The following AMBRA1 variants were observed in gnomAD, a reference collection of about 807,000 sequenced individuals.
AMBRA1 encodes the protein autophagy and beclin 1 regulator 1, also known as activating molecule in BECN1-regulated autophagy protein 1.
AMBRA1 carries 47 observed loss-of-function variants against 125.4 expected under a neutral mutation model. The observed-to-expected ratio is 0.37, with a 90% CI of 0.30 to 0.48. The LOEUF is 0.48. AMBRA1 is among the 20% of genes least tolerant of loss of function. The pLI, the probability that AMBRA1 is intolerant of heterozygous loss-of-function variation, is 0.99. For synonymous variants in AMBRA1, 626 were observed against 655.5 expected (o/e 0.95, Z 0.69); for missense variants, 1,331 against 1,693.4 (o/e 0.79, Z 3.76).
At chr11:46,569,435 A>G (rs2043669899) in intron 1 of AMBRA1, among the ~76,000 whole-genome samples, 1 of 135,018 alleles carries the variant, frequency 7.4e-6, no homozygotes, top group Non-Finnish European at 1.6e-5. Context: ...GATTAAAAAA[A>G]AAAAAATATA....
At chr11:46,574,165 C>T (rs1485950186) in intron 1 of AMBRA1, among the ~76,000 whole-genome samples, 5 of 144,820 alleles carry the variant, frequency 3.5e-5, no homozygotes, top group African/African-American at 1.3e-4. Flanking sequence ...ATTTATAGTC[C>T]TTTGGGTATA....
chr11:46,586,469 T>G (rs986360021), intron 1 of AMBRA1, among the ~76,000 whole-genome samples: 5 of 152,184 alleles, frequency 3.3e-5, no homozygotes, highest in Non-Finnish European at 1.5e-5. Context: ...TAGCTAGGAT[T>G]TGAACCTATA....
chr11:46,512,639 A>G, intron 8 of AMBRA1, 88 bp downstream of exon 8: 1 of 983,812 alleles, frequency 1.0e-6, no homozygotes, highest in Non-Finnish European at 1.5e-6. Context: ...CCAGGACCAG[A>G]GAGGCACAGA....
At chr11:46,502,712 C>T (rs1488393970) in intron 9 of AMBRA1, among the ~76,000 whole-genome samples, 4 of 152,152 alleles carry the variant, frequency 2.6e-5, no homozygotes, top group Admixed American at 1.3e-4. Flanking sequence ...AACATATCTT[C>T]TTTGCCATGA....
rs929482365 is a variant in AMBRA1 at position 46,593,977 on chromosome 11, G to C, written c.-270C>G. 1 of 398,692 alleles carries C rather than the reference G, an allele frequency of 2.5e-6. No homozygotes were observed. Among genetic ancestry groups the C allele is most frequent in the Non-Finnish European group, 4.4e-6 (1 of 226,106 alleles). The allele number at this position is 398,692 out of a possible 1,614,324, so 24.7% of individuals were successfully genotyped here. On this transcript the variant is annotated 5_prime_UTR_variant, in exon 1 of 18. Coordinates refer to ENST00000683756, the MANE Select transcript of AMBRA1 (RefSeq NM_001387011.1). ...AGCGCGGGGCCTCGCGGACAACTCA[G>C]CCCTCGACCCGGCGCCGCCGCCGCT...
intron 1 of AMBRA1, among the ~76,000 whole-genome samples, chr11:46,583,300 G>A (rs1261798708): frequency 1.3e-5 from 2 of 151,714 alleles, no homozygotes; most frequent in African/African-American, 2.4e-5. Context: ...CTAGCCATAT[G>A]TAGAAAGCTG....
At chr11:46,551,950 C>T (rs1262818863) in intron 1 of AMBRA1, among the ~76,000 whole-genome samples, 5 of 151,460 alleles carry the variant, frequency 3.3e-5, no homozygotes, top group Non-Finnish European at 7.4e-5. Context: ...ATCGCTTGAA[C>T]CCAGGAGGCG....
chr11:46,556,536 G>A (rs1435136301), intron 1 of AMBRA1, among the ~76,000 whole-genome samples: 1 of 152,132 alleles, frequency 6.6e-6, no homozygotes, highest in African/African-American at 2.4e-5. Flanking sequence ...AGTCATGAGT[G>A]ATATTTATTT....
intron 1 of AMBRA1, among the ~76,000 whole-genome samples, chr11:46,585,400 C>T (rs1162640146): frequency 1.3e-5 from 2 of 149,680 alleles, no homozygotes; most frequent in South Asian, 2.1e-4. Context: ...GGGCATGGTG[C>T]CTCACACTTG....
intron 12 of AMBRA1, among the ~76,000 whole-genome samples, chr11:46,437,444 G>A (rs191334198): frequency 6.6e-6 from 1 of 152,288 alleles, no homozygotes; most frequent in Admixed American, 6.5e-5. Flanking sequence ...TTCTCCGGTA[G>A]CATATTCAGT....
intron 17 of AMBRA1, among the ~76,000 whole-genome samples, chr11:46,404,560 T>C (rs577599071): frequency 6.6e-6 from 1 of 152,306 alleles, no homozygotes; most frequent in Non-Finnish European, 1.5e-5. Flanking sequence ...GAAAGGGGTA[T>C]GGTGTGTGGA....
In AMBRA1 at chr11:46,423,982, C is replaced by T. The variant is rs1252236831; in HGVS notation, c.2977-5930G>A. 4.0e-5 allele frequency among the ~76,000 whole-genome samples: 6 copies of T among 151,506 alleles called. No individual in the cohort carries two copies. In the East Asian group the frequency reaches 5.9e-4, roughly 15 times the overall value. On this transcript the variant is annotated intron_variant, in intron 14 of 17. Coordinates refer to ENST00000683756, the MANE Select transcript of AMBRA1 (RefSeq NM_001387011.1). Reference sequence around the variant, plus strand: ...ATCTCCAAGTTGGCCAGGCTGGTCTCGAACTCCTAATCTCAGGTGATCCAC... The same window carrying T: ...ATCTCCAAGTTGGCCAGGCTGGTCTTGAACTCCTAATCTCAGGTGATCCAC...
chr11:46,411,099 CA>C (rs59903160), intron 15 of AMBRA1, among the ~76,000 whole-genome samples: 354 of 60,174 alleles, frequency 5.9e-3, no homozygotes, highest in African/African-American at 0.016. Context: ...GACTCTGTCT[CA>C]AAAAAAAAAA....
At chr11:46,586,201 T>A (rs2044394535) in intron 1 of AMBRA1, among the ~76,000 whole-genome samples, 1 of 151,654 alleles carries the variant, frequency 6.6e-6, no homozygotes, top group Admixed American at 6.6e-5. Flanking sequence ...GAAGCCAGAG[T>A]TCAACACAAG....
At chr11:46,416,080 C>T (rs1385788346) in intron 15 of AMBRA1, among the ~76,000 whole-genome samples, 2 of 152,206 alleles carry the variant, frequency 1.3e-5, no homozygotes, top group African/African-American at 4.8e-5. Flanking sequence ...CAAAACAACA[C>T]TGCTGAGGAA....
chr11:46,499,595 G>C (rs1439741135), intron 9 of AMBRA1, among the ~76,000 whole-genome samples: 1 of 152,146 alleles, frequency 6.6e-6, no homozygotes, highest in African/African-American at 2.4e-5. Flanking sequence ...TCCTCAGGAA[G>C]GCCCCTTACT....
At chr11:46,422,428 A>T (rs183566939) in intron 14 of AMBRA1, among the ~76,000 whole-genome samples, 1 of 152,246 alleles carries the variant, frequency 6.6e-6, no homozygotes, top group Non-Finnish European at 1.5e-5. Context: ...GAAGACAATG[A>T]TTGCTCCACT....
intron 9 of AMBRA1, among the ~76,000 whole-genome samples, chr11:46,496,095 C>T (rs1470033548): frequency 1.3e-5 from 2 of 151,822 alleles, no homozygotes; most frequent in East Asian, 3.9e-4. Flanking sequence ...GAAAACAGGC[C>T]GGGCACAGTG....
intron 1 of AMBRA1, among the ~76,000 whole-genome samples, chr11:46,588,504 G>A (rs181835480): frequency 2.6e-5 from 4 of 151,866 alleles, no homozygotes; most frequent in East Asian, 1.9e-4. Context: ...GGCCGGGCAC[G>A]GTGGCTCATA....
Sources: gnomAD v4.1 joint callset for allele counts (sites outside exome capture counted in the v4.1 genomes callset) on GRCh38, gnomAD v4.1.1 for gene constraint, MANE v1.5 for transcripts, NCBI Gene and HGNC (gene_info 2026-07-23, HGNC 2026-07-21) for gene names.